Variants in VWA5B1 observed in about 807,000 individuals in gnomAD.
VWA5B1 encodes von Willebrand factor A domain-containing protein 5B1.
Under a neutral mutation model 118.2 loss-of-function variants are expected in VWA5B1, and 115 were observed. The observed-to-expected ratio is 0.97, with a 90% confidence interval of 0.84 to 1.14. The LOEUF (loss-of-function observed/expected upper bound fraction) is 1.14, where lower values mean the gene tolerates loss of function less well. VWA5B1 is among the 50% of genes most tolerant of loss of function. The pLI is 0.00. For synonymous variants in VWA5B1, 682 were observed against 658.4 expected, an observed-to-expected ratio of 1.04 and a Z score of -0.55; for missense variants, 1,596 against 1,603.8, an observed-to-expected ratio of 1.00 and a Z score of 0.08.
chr1:20,302,682 C>T (rs748730145), intron 1 of VWA5B1, among the ~76,000 whole-genome samples: 3 of 152,114 alleles, frequency 2.0e-5, no homozygotes, highest in Non-Finnish European at 4.4e-5. Flanking sequence ...AGACAGATAA[C>T]GTGAGTGGTG....
chr1:20,297,389 G>A (rs2088424496), intron 1 of VWA5B1, among the ~76,000 whole-genome samples: 1 of 152,194 alleles, frequency 6.6e-6, no homozygotes, highest in South Asian at 2.1e-4. Flanking sequence ...GCACACATTG[G>A]CTTTGAAAGC....
intron 1 of VWA5B1, among the ~76,000 whole-genome samples, chr1:20,291,955 A>C (rs1188657506): frequency 2.0e-5 from 3 of 152,160 alleles, no homozygotes; most frequent in Non-Finnish European, 4.4e-5. Context: ...ACAGCAGCAG[A>C]AGGAGGCCTG....
intron 11 of VWA5B1, 43 bp from the exon 12 acceptor site, chr1:20,332,723 C>A: frequency 6.5e-7 from 1 of 1,543,022 alleles, no homozygotes; most frequent in South Asian, 1.2e-5. Context: ...GTACACATCT[C>A]TTCTCATACA....
intron 16 of VWA5B1, 88 bp from the exon 17 acceptor site, chr1:20,345,368 G>A: frequency 6.5e-7 from 1 of 1,527,360 alleles, no homozygotes; most frequent in Non-Finnish European, 8.9e-7. Flanking sequence ...GGACCACTTA[G>A]GTAGAGCCCC....
intron 9 of VWA5B1, among the ~76,000 whole-genome samples, 193 bp downstream of exon 9, chr1:20,328,193 T>C (rs1476511355): frequency 6.6e-6 from 1 of 152,100 alleles, no homozygotes; most frequent in Non-Finnish European, 1.5e-5. Flanking sequence ...TTCTGACATC[T>C]CAGCCTTCTG....
intron 1 of VWA5B1, among the ~76,000 whole-genome samples, chr1:20,308,948 C>A (rs1336336147): frequency 6.6e-6 from 1 of 152,162 alleles, no homozygotes; most frequent in Admixed American, 6.5e-5. Context: ...TGGCACCTAC[C>A]CCGCAGACAG....
Position 20,299,390 on chromosome 1 carries a change from G to C in VWA5B1, c.-27+8302G>C, listed in dbSNP as rs185197576. 1.2e-4 allele frequency among the ~76,000 whole-genome samples: 18 copies of C among 152,104 alleles called. No homozygotes were observed. In the East Asian group the frequency reaches 3.3e-3, roughly 28 times the overall value. On this transcript the variant is annotated intron_variant, in intron 1 of 21. Coordinates refer to ENST00000289815, the MANE Select transcript of VWA5B1 (RefSeq NM_001039500.3). ...TGTGTGTCCCTCGTGCTCCAGTTTT[G>C]GTTTTTTGTTTTGTTTTTGTTTTTG... is the stretch of plus-strand genomic sequence containing the variant.
rs1384229838 is a variant in VWA5B1, at chr1:20,353,922, A to C, written c.3307A>C (p.Thr1103Pro). The C allele has an allele frequency of 6.5e-7, 1 of 1,549,592 alleles. No homozygotes were observed. Among genetic ancestry groups the C allele is most frequent in the Non-Finnish European group, 8.7e-7 (1 of 1,145,752 alleles). The change falls in exon 22 of 22, where the codon ACC becomes CCC. Residue 1103 changes from threonine (T) to proline (P), a missense_variant. Physicochemically the swap from Thr to Pro is conservative, Grantham distance 38. Transcript: ENST00000289815. ...ESKTPSPQLCTSSPPRHPSCD... is the reference protein window; with the variant it reads ...ESKTPSPQLCPSSPPRHPSCD... The stretch of plus-strand genomic sequence containing the variant: ...CAAGACCCCGAGTCCCCAGCTGTGC[A>C]CCAGCTCCCCGCCTAGGCACCCGTC...
chr1:20,310,391 ACTTCT>A (rs2088810735), intron 1 of VWA5B1, among the ~76,000 whole-genome samples, 180 bp from the exon 2 acceptor site: 1 of 152,144 alleles, frequency 6.6e-6, no homozygotes, highest in Non-Finnish European at 1.5e-5. Context: ...GAGAACGGCC[ACTTCT>A]CTTCTCAGGG....
In VWA5B1 at chr1:20,342,130, A is replaced by C. The variant is rs1284390750; in HGVS notation, c.2134-302A>C. Among the ~76,000 whole-genome samples, 11 of 34,848 alleles carry C rather than the reference A, an allele frequency of 3.2e-4. No individual in the cohort carries two copies. The Admixed American group carries it at 4.2e-3, about 13-fold the overall frequency. The allele number at this position is 34,848 out of a possible 152,430, so 22.9% of individuals were successfully genotyped here. ...CACAAAACAGTTTAAACTTTATGGC[A>C]AAAAAAAAAAAAAAGTGGGTTTGGA... On this transcript the variant is annotated intron_variant, in intron 14 of 21. Transcript: ENST00000289815.
intron 4 of VWA5B1, among the ~76,000 whole-genome samples, chr1:20,316,742 G>C (rs2089021805): frequency 6.6e-6 from 1 of 152,166 alleles, no homozygotes. Context: ...CCCATTTAAA[G>C]GATGGGAAAA....
chr1:20,323,463 C>T lies in VWA5B1; in HGVS notation c.1074C>T (p.Ala358=), dbSNP rs1335230557. The part of the protein sequence containing the change: ...LQSVQPCLRK[A]HGEFIFLIDR... ...CAGTCCAGCCGTGCCTGAGAAAGGC[C>T]CACGGGGAGTTCATCTTCCTCATTG... Residue 358 remains alanine, a synonymous_variant, in exon 8 of 22, where the codon GCC becomes GCT. Transcript: ENST00000289815. 1 of 1,534,788 alleles carries T rather than the reference C, an allele frequency of 6.5e-7. No homozygotes were observed. The highest frequency in any genetic ancestry group is 1.4e-5 in the African/African-American group (1 of 72,202).
chr1:20,329,287 C>CTT lies in VWA5B1; in HGVS notation c.1255-865_1255-864dup, dbSNP rs10578067. On this transcript the variant is annotated intron_variant, in intron 9 of 21. Coordinates refer to ENST00000289815, the MANE Select transcript of VWA5B1 (RefSeq NM_001039500.3). ...CTTTTTTTTTTCTTTTTTCTTTTCCCTTTTTTTTTTTTTTTTTTTTTTTTT... is the reference window on the plus strand; with the variant it reads ...CTTTTTTTTTTCTTTTTTCTTTTCCCTTTTTTTTTTTTTTTTTTTTTTTTTTT... Among the ~76,000 whole-genome samples the CTT allele has an allele frequency of 2.1e-3, 183 of 89,198 alleles. 2 individuals are homozygous for CTT. The highest frequency in any genetic ancestry group is 7.2e-3 in the Middle Eastern group (1 of 138). 58.5% of individuals were successfully genotyped at this position (89,198 alleles called of 152,430 possible). A position where few individuals can be genotyped will look rare whatever the true frequency, so the allele number is the denominator to read the frequency against.
intron 1 of VWA5B1, among the ~76,000 whole-genome samples, chr1:20,295,266 G>C (rs527705284): frequency 1.1e-4 from 16 of 152,256 alleles, no homozygotes; most frequent in South Asian, 1.0e-3. Context: ...TTCTAGTCTG[G>C]AACACAGAGT....
intron 18 of VWA5B1, among the ~76,000 whole-genome samples, chr1:20,349,676 C>A (rs1404575379): frequency 6.6e-6 from 1 of 151,478 alleles, no homozygotes; most frequent in Non-Finnish European, 1.5e-5. Flanking sequence ...GCCACCATGC[C>A]TGGCTACAAA....
rs1370381002 is a variant in VWA5B1, at chr1:20,343,404, C to G, written c.2626+11C>G. The G allele has an allele frequency of 2.0e-6, 3 of 1,498,846 alleles. No individual in the cohort carries two copies. In the East Asian group the frequency reaches 7.4e-5, roughly 37 times the overall value. The allele number at this position is 1,498,846 out of a possible 1,614,324, so 92.8% of individuals were successfully genotyped here. ...GCGAGATCGAGCAGGGTGAGCGCCA[C>G]GGAACTGCGCCCCTCCCGCGGACGG... On this transcript the variant is annotated intron_variant, in intron 16 of 21. Transcript: ENST00000289815.
chr1:20,321,560 G>C (rs1009083910), intron 7 of VWA5B1, among the ~76,000 whole-genome samples: 4 of 152,162 alleles, frequency 2.6e-5, no homozygotes, highest in Non-Finnish European at 4.4e-5. Flanking sequence ...ACTCCAGCCT[G>C]GTGGCAGAGC....
chr1:20,341,737 C>A (rs2089879863), intron 14 of VWA5B1, among the ~76,000 whole-genome samples: 1 of 152,148 alleles, frequency 6.6e-6, no homozygotes, highest in Non-Finnish European at 1.5e-5. Context: ...CTTTTGATGT[C>A]TGTTTGTACC....
rs12095706 is a variant in VWA5B1, at chr1:20,302,878, C to T, written c.-26-7698C>T. On this transcript the variant is annotated intron_variant, in intron 1 of 21. Transcript: ENST00000289815. ...AGCAGAAGTCAGCCTTGTTTGGAGA[C>T]GTAGCGAGAGGTCTTGACTGGCTGG... Among the ~76,000 whole-genome samples the T allele has an allele frequency of 2.8e-3, 431 of 152,242 alleles. 2 individuals carry two copies. The highest frequency in any genetic ancestry group is 0.01 in the African/African-American group (419 of 41,536).
Sources: allele counts gnomAD v4.1 joint callset (sites outside exome capture counted in the v4.1 genomes callset), GRCh38; gene constraint gnomAD v4.1.1; transcripts MANE v1.5; gene names NCBI Gene and HGNC (gene_info 2026-07-23, HGNC 2026-07-21).